Variants in CERKL observed in about 807,000 individuals in gnomAD.
CERKL encodes the protein CERK like autophagy regulator, also known as ceramide kinase-like protein.
CERKL carries 61 observed loss-of-function variants against 63.4 expected under a neutral mutation model. The observed-to-expected ratio is 0.96, with a 90% CI of 0.78 to 1.19. The LOEUF (loss-of-function observed/expected upper bound fraction) is 1.19, where lower values mean the gene tolerates loss of function less well. Among genes scored for constraint, CERKL ranks in the 50% most tolerant of loss-of-function variants. The pLI is 0.00. For synonymous variants in CERKL, 250 were observed against 230.5 expected (o/e 1.08, Z -0.77); for missense variants, 675 against 655.5 (o/e 1.03, Z -0.33).
At chr2:181,627,956 AATC>A (rs1686783313) in intron 1 of CERKL, among the ~76,000 whole-genome samples, 4 of 152,334 alleles carry the variant, frequency 2.6e-5, no homozygotes, top group South Asian at 4.1e-4. Context: ...ACATTTATAA[AATC>A]ATCATCAACA....
intron 1 of CERKL, among the ~76,000 whole-genome samples, chr2:181,637,436 C>T (rs1230376277): frequency 1.3e-5 from 2 of 152,082 alleles, no homozygotes; most frequent in African/African-American, 2.4e-5. Flanking sequence ...GATTTTGATG[C>T]TGATGTAAAG....
At chr2:181,609,268 C>A (rs1685853745) in intron 1 of CERKL, among the ~76,000 whole-genome samples, 1 of 123,992 alleles carries the variant, frequency 8.1e-6, no homozygotes, top group Admixed American at 9.4e-5. Flanking sequence ...CCCCCCACCC[C>A]AAGTAACTAC....
rs1167573943 is a variant in CERKL at position 181,558,826 on chromosome 2, A to G, written c.678-118T>C. 3.1e-6 allele frequency: 3 copies of G among 965,502 alleles called. No homozygotes were observed. Among genetic ancestry groups the G allele is most frequent in the African/African-American group, 3.2e-5 (2 of 61,962 alleles). The allele number at this position is 965,502 out of a possible 1,614,324, so 59.8% of individuals were successfully genotyped here. A position where few individuals can be genotyped will look rare whatever the true frequency, so the allele number is the denominator to read the frequency against. On this transcript the variant is annotated intron_variant, in intron 4 of 12. Transcript: ENST00000410087. The surrounding 1 kb of genome is among the most constrained non-coding windows in gnomAD (Gnocchi z 4.2). ...GTAGTCTATGTGCATAACTGCTCAC[A>G]TGTACCTTTAAACATGTTAATATGT... is the stretch of plus-strand genomic sequence containing the variant.
chr2:181,538,844 A>AAATT (rs751931262), intron 12 of CERKL, among the ~76,000 whole-genome samples: 3 of 152,194 alleles, frequency 2.0e-5, no homozygotes, highest in Non-Finnish European at 4.4e-5. Context: ...GCACAACAAT[A>AAATT]AATTAGAAAG....
intron 2 of CERKL, among the ~76,000 whole-genome samples, chr2:181,580,758 C>T (rs996335238): frequency 5.9e-5 from 9 of 152,274 alleles, no homozygotes; most frequent in Middle Eastern, 6.8e-3. Flanking sequence ...CAATTTCATG[C>T]AAGTTCTATA....
intron 2 of CERKL, among the ~76,000 whole-genome samples, chr2:181,576,858 T>C (rs1559085980): frequency 6.6e-6 from 1 of 152,238 alleles, no homozygotes; most frequent in Non-Finnish European, 1.5e-5. Flanking sequence ...TTCAAATGTC[T>C]GGCTGGTAAG....
At position 181,537,633 on chromosome 2, in the gene CERKL, A is replaced by AATCCTGAAAAATGAAAG. The variant is rs1367117018; in HGVS notation, c.*534_*550dup. ...AAATTTAACATAATTGATGAGCTCAAATCCTGAAAAATGAAAGAATCCAAA... is the reference window on the plus strand; with the variant it reads ...AAATTTAACATAATTGATGAGCTCAAATCCTGAAAAATGAAAGATCCTGAAAAATGAAAGAATCCAAA... On this transcript the variant is annotated 3_prime_UTR_variant, in exon 13 of 13. Coordinates refer to ENST00000410087, the MANE Select transcript of CERKL (RefSeq NM_201548.5). 1 of 435,696 alleles carries AATCCTGAAAAATGAAAG rather than the reference A, an allele frequency of 2.3e-6. No homozygotes were observed. The highest frequency in any genetic ancestry group is 4.5e-6 in the Non-Finnish European group (1 of 220,902). 27.0% of individuals were successfully genotyped at this position (435,696 alleles called of 1,614,324 possible).
At chr2:181,595,571 G>C (rs933888699) in intron 2 of CERKL, among the ~76,000 whole-genome samples, 1 of 152,112 alleles carries the variant, frequency 6.6e-6, no homozygotes, top group African/African-American at 2.4e-5. Context: ...CTGATGACCT[G>C]CTAGAATGAC....
intron 2 of CERKL, 94 bp downstream of exon 2, chr2:181,603,743 A>G: frequency 1.6e-6 from 2 of 1,249,548 alleles, no homozygotes; most frequent in Non-Finnish European, 2.4e-6. Flanking sequence ...CTATCTCAAC[A>G]TCACTAAAGT....
intron 12 of CERKL, among the ~76,000 whole-genome samples, chr2:181,538,699 T>C (rs1177498253): frequency 6.6e-6 from 1 of 152,170 alleles, no homozygotes; most frequent in Non-Finnish European, 1.5e-5. Context: ...ACAGTAATTA[T>C]GAGTGAGAGG....
Position 181,536,963 on chromosome 2 carries a change from C to CCATCCTAATTGATGA in CERKL, c.*1206_*1220dup, listed in dbSNP as rs1687149970. On this transcript the variant is annotated 3_prime_UTR_variant, in exon 13 of 13. Coordinates refer to ENST00000410087, the MANE Select transcript of CERKL (RefSeq NM_201548.5). ...ATATGAAGTCCCTGCCACTAGCCAG[C>CCATCCTAATTGATGA]CATCCTAATTGATGAAAGTTATCTG... is the stretch of plus-strand genomic sequence containing the variant. 2.2e-6 allele frequency: 1 copy of CCATCCTAATTGATGA among 452,562 alleles called. No individual in the cohort carries two copies. Among genetic ancestry groups the CCATCCTAATTGATGA allele is most frequent in the Admixed American group, 2.4e-5 (1 of 42,278 alleles). 28.0% of individuals were successfully genotyped at this position (452,562 alleles called of 1,614,324 possible). A position where few individuals can be genotyped will look rare whatever the true frequency, so the allele number is the denominator to read the frequency against.
chr2:181,576,250 A>G (rs1413065410), intron 2 of CERKL, among the ~76,000 whole-genome samples: 1 of 152,192 alleles, frequency 6.6e-6, no homozygotes, highest in Non-Finnish European at 1.5e-5. Flanking sequence ...ATAATTACTG[A>G]TTCAGGTAAG....
chr2:181,538,160 ATT>A lies in CERKL; in HGVS notation c.*22_*23del. On this transcript the variant is annotated 3_prime_UTR_variant, in exon 13 of 13. Coordinates refer to ENST00000410087, the MANE Select transcript of CERKL (RefSeq NM_201548.5). ...TTTATATTAAAATTCTAGTTTGTAC[ATT>A]TCTTTTAGAAACAATTACATGTTAC... 2.0e-6 allele frequency: 3 copies of A among 1,467,174 alleles called. No homozygotes were observed. The highest frequency in any genetic ancestry group is 2.9e-6 in the Non-Finnish European group (3 of 1,048,890). 90.9% of individuals were successfully genotyped at this position (1,467,174 alleles called of 1,614,324 possible). A position where few individuals can be genotyped will look rare whatever the true frequency, so the allele number is the denominator to read the frequency against.
chr2:181,626,167 C>T (rs527893743), intron 1 of CERKL, among the ~76,000 whole-genome samples: 3 of 152,110 alleles, frequency 2.0e-5, no homozygotes, highest in South Asian at 2.1e-4. Flanking sequence ...TAGTAATACA[C>T]TATTATAATA....
chr2:181,585,531 G>C (rs754922509), intron 2 of CERKL, among the ~76,000 whole-genome samples: 17 of 151,962 alleles, frequency 1.1e-4, no homozygotes, highest in Non-Finnish European at 2.5e-4. Context: ...AGTTATCAAA[G>C]TTAAGTTTTC....
At chr2:181,557,694 C>A (rs1047613195) in intron 5 of CERKL, among the ~76,000 whole-genome samples, 1 of 152,120 alleles carries the variant, frequency 6.6e-6, no homozygotes, top group Admixed American at 6.6e-5. Context: ...CTGAAACATC[C>A]CATTATTCCC....
intron 10 of CERKL, among the ~76,000 whole-genome samples, chr2:181,545,553 T>TA (rs1252444911): frequency 2.0e-5 from 3 of 152,198 alleles, no homozygotes. Context: ...CTTAGTATCT[T>TA]ATGAAAGCTC....
chr2:181,596,934 T>C (rs577266203), intron 2 of CERKL, among the ~76,000 whole-genome samples: 1 of 152,368 alleles, frequency 6.6e-6, no homozygotes, highest in Admixed American at 6.5e-5. Flanking sequence ...TGTGTACATA[T>C]GTCATAACAT....
chr2:181,593,059 GC>G (rs1685054308), intron 2 of CERKL, among the ~76,000 whole-genome samples: 1 of 152,088 alleles, frequency 6.6e-6, no homozygotes, highest in African/African-American at 2.4e-5. Flanking sequence ...AGTACCTGCT[GC>G]TTTGCATACA....
Sources: allele counts gnomAD v4.1 joint callset (sites outside exome capture counted in the v4.1 genomes callset), GRCh38; gene constraint gnomAD v4.1.1; non-coding constraint Gnocchi (gnomAD v3.1); transcripts MANE v1.5; gene names NCBI Gene and HGNC (gene_info 2026-07-23, HGNC 2026-07-21).